Variants in CBFA2T2 observed in about 807,000 individuals in gnomAD.
The protein encoded by CBFA2T2 is CBFA2/RUNX1 partner transcriptional co-repressor 2.
In CBFA2T2, 11 loss-of-function variants were observed where a neutral mutation model predicts 62.2. The ratio of observed to expected loss-of-function variants is 0.18; its 90% CI spans 0.11 to 0.29. The LOEUF is 0.29. CBFA2T2 is among the 10% of genes least tolerant of loss of function. CBFA2T2 has a pLI of 1.00. For missense variants in CBFA2T2, 592 were observed against 774.1 expected (o/e 0.76, Z 2.79); for synonymous variants, 295 against 287.5 (o/e 1.03, Z -0.27).
intron 1 of CBFA2T2, among the ~76,000 whole-genome samples, chr20:33,515,350 CAAA>C (rs11371940): frequency 1.2e-4 from 10 of 82,022 alleles, no homozygotes; most frequent in South Asian, 5.2e-4. Flanking sequence ...GACTCCATCT[CAAA>C]AAAAAAAAAA....
At chr20:33,560,167 T>C (rs2013036311) in intron 1 of CBFA2T2, among the ~76,000 whole-genome samples, 1 of 152,202 alleles carries the variant, frequency 6.6e-6, no homozygotes, top group Non-Finnish European at 1.5e-5. Context: ...ACTTACATTG[T>C]AGGCAATTTG....
chr20:33,520,868 T>C (rs1222300323), intron 1 of CBFA2T2, among the ~76,000 whole-genome samples: 1 of 151,754 alleles, frequency 6.6e-6, no homozygotes, highest in Admixed American at 6.6e-5. Context: ...GTGTTTTCGT[T>C]TATTTGTTCA....
At chr20:33,574,007 T>A in intron 1 of CBFA2T2, 1 of 931,426 alleles carries the variant, frequency 1.1e-6, no homozygotes, top group Non-Finnish European at 1.5e-6. Flanking sequence ...CAGGTGGGTC[T>A]CAAACTCCTG....
chr20:33,522,882 G>C (rs531871530), intron 1 of CBFA2T2, among the ~76,000 whole-genome samples: 1 of 152,318 alleles, frequency 6.6e-6, no homozygotes, highest in African/African-American at 2.4e-5. Context: ...TTCAGCTTAA[G>C]AGATATATGA....
intron 1 of CBFA2T2, among the ~76,000 whole-genome samples, chr20:33,533,713 C>T (rs1440851466): frequency 6.6e-6 from 1 of 151,420 alleles, no homozygotes; most frequent in Non-Finnish European, 1.5e-5. Context: ...GTGGCTCATG[C>T]CTGTAATCCC....
Position 33,623,979 on chromosome 20 carries a change from GAAAA to G in CBFA2T2, c.692+686_692+689del, listed in dbSNP as rs531566702. ...GAAAAAAAAAAAAAAGAAAAGAAAA[GAAAA>G]AACAAAAAAAAAGAAATACAATCTG... On this transcript the variant is annotated intron_variant, in intron 5 of 10. Transcript: ENST00000342704. The G allele has an allele frequency of 5.8e-4, 323 of 555,364 alleles. 1 individual carries two copies. The African/African-American group carries it at 5.8e-3, about 10-fold the overall frequency. The allele number at this position is 555,364 out of a possible 1,614,324, so 34.4% of individuals were successfully genotyped here.
rs191007536 is a variant in CBFA2T2, at chr20:33,597,855, A to G, written c.35-9101A>G. On this transcript the variant is annotated intron_variant, in intron 1 of 10. Transcript: ENST00000342704. ...GTCTCATATCGGGGAATCTGCCCCA[A>G]TATTCACGTAGGTTCTTTTCTATTT... 1.5e-3 allele frequency among the ~76,000 whole-genome samples: 223 copies of G among 152,304 alleles called. 1 individual carries two copies. The highest frequency in any genetic ancestry group is 5.0e-3 in the African/African-American group (206 of 41,568).
At chr20:33,640,249 C>T in intron 9 of CBFA2T2, 92 bp from the exon 10 acceptor site, 1 of 1,168,722 alleles carries the variant, frequency 8.6e-7, no homozygotes, top group Non-Finnish European at 1.2e-6. Context: ...GAAAAGATCA[C>T]TTTGTGTCAG....
At position 33,575,486 on chromosome 20, in the gene CBFA2T2, G is replaced by A. The variant is rs114073448; in HGVS notation, c.35-31470G>A. On this transcript the variant is annotated intron_variant, in intron 1 of 10. Coordinates refer to ENST00000342704, the MANE Select transcript of CBFA2T2 (RefSeq NM_001032999.3). ...TAATCATTCTTCATAACTCTCTGGC[G>A]TTGGTCCCTGGCACACAGCTTGGGA... Among the ~76,000 whole-genome samples the A allele has an allele frequency of 3.7e-3, 562 of 152,280 alleles. 4 individuals are homozygous for A. Among genetic ancestry groups the A allele is most frequent in the African/African-American group, 0.013 (538 of 41,554 alleles).
chr20:33,493,627 A>C (rs552401993), intron 1 of CBFA2T2, among the ~76,000 whole-genome samples: 1 of 152,122 alleles, frequency 6.6e-6, no homozygotes, highest in African/African-American at 2.4e-5. Flanking sequence ...CAGCCTCCCT[A>C]GTAGCTGTGA....
chr20:33,571,034 A>G (rs1349220489), intron 1 of CBFA2T2, among the ~76,000 whole-genome samples: 1 of 152,208 alleles, frequency 6.6e-6, no homozygotes, highest in East Asian at 1.9e-4. Context: ...AGGGAGGACA[A>G]CAGACTTGGT....
At chr20:33,570,043 G>A (rs1468704374) in intron 1 of CBFA2T2, among the ~76,000 whole-genome samples, 3 of 152,106 alleles carry the variant, frequency 2.0e-5, no homozygotes, top group African/African-American at 4.8e-5. Context: ...AGTTTGGGAG[G>A]CCAAGGCGGG....
Position 33,490,190 on chromosome 20 carries a change from CGGGTCGA to C in CBFA2T2, c.-75_-69del. 1 of 1,196,726 alleles carries C rather than the reference CGGGTCGA, an allele frequency of 8.4e-7. No individual in the cohort carries two copies. The highest frequency in any genetic ancestry group is 1.6e-5 in the African/African-American group (1 of 62,320). The allele number at this position is 1,196,726 out of a possible 1,614,324, so 74.1% of individuals were successfully genotyped here. On this transcript the variant is annotated 5_prime_UTR_variant, in exon 1 of 11. Coordinates refer to ENST00000342704, the MANE Select transcript of CBFA2T2 (RefSeq NM_001032999.3). ...CGACGCCTGCGAGGGACCCGGGCCG[CGGGTCGA>C]GGCGGGCGGCGCCTGCGAGGGACCC...
At chr20:33,520,101 C>T (rs528679286) in intron 1 of CBFA2T2, among the ~76,000 whole-genome samples, 32 of 152,158 alleles carry the variant, frequency 2.1e-4, no homozygotes, top group African/African-American at 7.0e-4. Flanking sequence ...GCCGAGATCA[C>T]GCCATTGCAC....
chr20:33,621,922 C>A (rs1237198624), intron 4 of CBFA2T2, among the ~76,000 whole-genome samples: 1 of 152,168 alleles, frequency 6.6e-6, no homozygotes, highest in Non-Finnish European at 1.5e-5. Flanking sequence ...ATCTTGGTCT[C>A]CTTTATGTAT....
intron 9 of CBFA2T2, among the ~76,000 whole-genome samples, chr20:33,637,670 C>CT (rs561146788): frequency 0.012 from 1,688 of 141,922 alleles, 11 homozygotes; most frequent in South Asian, 0.023. Flanking sequence ...CTCACTTTTC[C>CT]TTTTTTTTTT....
At chr20:33,559,497 G>A (rs1220131771) in intron 1 of CBFA2T2, among the ~76,000 whole-genome samples, 1 of 151,594 alleles carries the variant, frequency 6.6e-6, no homozygotes, top group African/African-American at 2.4e-5. Context: ...TGTTGTTGTT[G>A]TTGTTGTTGA....
At chr20:33,631,285 G>A (rs1277675422) in intron 8 of CBFA2T2, among the ~76,000 whole-genome samples, 2 of 152,214 alleles carry the variant, frequency 1.3e-5, no homozygotes, top group African/African-American at 2.4e-5. Context: ...TTGCACTCTA[G>A]CCTGGGTGAC....
At chr20:33,510,215 T>G (rs1241299347) in intron 1 of CBFA2T2, among the ~76,000 whole-genome samples, 1 of 132,200 alleles carries the variant, frequency 7.6e-6, no homozygotes, top group East Asian at 2.0e-4. Context: ...TTTTTTCTTG[T>G]TTTTTTTTTT....
Sources: gnomAD v4.1 joint callset for allele counts (sites outside exome capture counted in the v4.1 genomes callset) on GRCh38, gnomAD v4.1.1 for gene constraint, MANE v1.5 for transcripts, NCBI Gene and HGNC (gene_info 2026-07-23, HGNC 2026-07-21) for gene names.